Variants in KIAA1549L observed in about 807,000 individuals in gnomAD.
KIAA1549L encodes UPF0606 protein KIAA1549L.
Under a neutral mutation model 160.7 loss-of-function variants are expected in KIAA1549L, and 88 were observed. The ratio of observed to expected loss-of-function variants is 0.55; its 90% CI spans 0.46 to 0.65. The LOEUF (loss-of-function observed/expected upper bound fraction) is 0.65. Among genes scored for constraint, KIAA1549L ranks in the 30% least tolerant of loss-of-function variants. The pLI is 0.00. For missense variants in KIAA1549L, 2,258 were observed against 2,437.5 expected, an observed-to-expected ratio of 0.93 and a Z score of 1.55; for synonymous variants, 950 against 976.7, an observed-to-expected ratio of 0.97 and a Z score of 0.51.
chr11:33,657,602 G>A (rs541517009), intron 18 of KIAA1549L, among the ~76,000 whole-genome samples: 126 of 152,136 alleles, frequency 8.3e-4, no homozygotes, highest in African/African-American at 2.8e-3. Flanking sequence ...TTTGAGACCA[G>A]CCTGGACAAT....
intron 1 of KIAA1549L, among the ~76,000 whole-genome samples, chr11:33,420,240 T>TTGTTTGTTTGTTTGTTTGTTTG (rs1476162743): frequency 6.7e-6 from 1 of 149,448 alleles, no homozygotes; most frequent in African/African-American, 2.5e-5. Context: ...TTTTTGTTTT[T>TTGTTTGTTTGTTTGTTTGTTTG]TTTTTTTTTT....
Position 33,542,611 on chromosome 11 carries a change from G to C in KIAA1549L, c.1048G>C (p.Glu350Gln). Residue 350 changes from glutamate (E) to glutamine (Q), a missense_variant, in exon 2 of 21, where the codon GAA becomes CAA. Physicochemically the swap from Glu to Gln is conservative, Grantham distance 29. Coordinates refer to ENST00000658780, the MANE Select transcript of KIAA1549L (RefSeq NM_012194.3). ...STPGFLSPMA[E>Q]LSHPSPPPPA... Reference sequence around the variant, plus strand: ...ACCTGGGTTTTTGAGCCCCATGGCAGAACTGTCCCATCCGTCTCCCCCTCC... The same window carrying C: ...ACCTGGGTTTTTGAGCCCCATGGCACAACTGTCCCATCCGTCTCCCCCTCC... The C allele has an allele frequency of 6.2e-7, 1 of 1,613,958 alleles. No individual in the cohort carries two copies. The highest frequency in any genetic ancestry group is 1.3e-5 in the African/African-American group (1 of 75,040).
intron 12 of KIAA1549L, among the ~76,000 whole-genome samples, chr11:33,596,513 C>A (rs34862267): frequency 0.2 from 29,698 of 151,964 alleles, 3,395 homozygotes; most frequent in East Asian, 0.36. Context: ...GAGGCAAATG[C>A]ATCACTTGGG....
At chr11:33,435,776 A>ATGTGTGTGTGTG in intron 1 of KIAA1549L, among the ~76,000 whole-genome samples, 1 of 9,890 alleles carries the variant, frequency 1.0e-4, no homozygotes, top group African/African-American at 8.2e-4. Flanking sequence ...ATATATATAT[A>ATGTGTGTGTGTG]TATATATATA....
At chr11:33,386,353 C>T (rs1850172372) in intron 1 of KIAA1549L, among the ~76,000 whole-genome samples, 1 of 152,168 alleles carries the variant, frequency 6.6e-6, no homozygotes. Flanking sequence ...CAGGGTTTAT[C>T]TTTAGTTTGT....
rs1211148816 is a variant in KIAA1549L, at chr11:33,630,171, A to T, written c.5409+11509A>T. Among the ~76,000 whole-genome samples the T allele has an allele frequency of 7.5e-3, 1,110 of 148,786 alleles. 11 individuals carry two copies. The highest frequency in any genetic ancestry group is 0.024 in the African/African-American group (905 of 38,346). ...TCCAGCTGCATGCTGGGAGGACCAC[A>T]GCTCTCTTCAAAGCTGTCAGACCGG... is the stretch of plus-strand genomic sequence containing the variant. On this transcript the variant is annotated intron_variant, in intron 16 of 20. Transcript: ENST00000658780.
chr11:33,669,722 G>C lies in KIAA1549L; in HGVS notation c.*1568G>C, dbSNP rs796273317. 3 of 152,220 alleles carry C rather than the reference G, an allele frequency of 2.0e-5. No homozygotes were observed. The South Asian group carries it at 6.2e-4, about 31-fold the overall frequency. 9.4% of individuals were successfully genotyped at this position (152,220 alleles called of 1,614,324 possible). ...CTGATTAGAAGGGGAGGTTCAAACT[G>C]TCAATGCACAGACTTTTCAAAGAAG... is the stretch of plus-strand genomic sequence containing the variant. On this transcript the variant is annotated 3_prime_UTR_variant, in exon 21 of 21. Transcript: ENST00000658780.
At chr11:33,429,130 C>T (rs569904037) in intron 1 of KIAA1549L, among the ~76,000 whole-genome samples, 10 of 152,266 alleles carry the variant, frequency 6.6e-5, no homozygotes, top group South Asian at 6.2e-4. Context: ...CACCACTACC[C>T]GCTGCTAATT....
chr11:33,555,872 T>C (rs1246489103), intron 6 of KIAA1549L, among the ~76,000 whole-genome samples: 5 of 152,058 alleles, frequency 3.3e-5, no homozygotes, highest in African/African-American at 7.2e-5. Flanking sequence ...AAAAAGCAAT[T>C]CATAGAATAA....
At chr11:33,634,690 C>G (rs568096493) in intron 16 of KIAA1549L, among the ~76,000 whole-genome samples, 52 of 152,192 alleles carry the variant, frequency 3.4e-4, no homozygotes, top group African/African-American at 1.2e-3. Flanking sequence ...CATTGGAGCA[C>G]CTTCTTTTAT....
intron 1 of KIAA1549L, among the ~76,000 whole-genome samples, chr11:33,385,982 T>G (rs1028135472): frequency 6.6e-6 from 1 of 152,254 alleles, no homozygotes; most frequent in Non-Finnish European, 1.5e-5. Flanking sequence ...TAGCTTTTTA[T>G]AGAATCTTTG....
rs1394337053 is a variant in KIAA1549L, at chr11:33,567,122, C to T, written c.4079-954C>T. Among the ~76,000 whole-genome samples, 3 of 152,194 alleles carry T rather than the reference C, an allele frequency of 2.0e-5. No homozygotes were observed. The East Asian group carries it at 5.8e-4, about 29-fold the overall frequency. On this transcript the variant is annotated intron_variant, in intron 8 of 20. Coordinates refer to ENST00000658780, the MANE Select transcript of KIAA1549L (RefSeq NM_012194.3). ...GGTCCTGAAAACCCTCCTCCCTGCACTGGCCATGGCTGAAACCATCATTCA... is the reference window on the plus strand; with the variant it reads ...GGTCCTGAAAACCCTCCTCCCTGCATTGGCCATGGCTGAAACCATCATTCA...
chr11:33,551,161 CT>C lies in KIAA1549L; in HGVS notation c.3624del (p.Ala1209GlnfsTer3), dbSNP rs1347867341. On this transcript the variant is annotated frameshift_variant, in exon 5 of 21. Transcript: ENST00000658780. LOFTEE classifies it high-confidence loss of function. ...MLGVYGVSNV[T>X]ADLKQHTPHL... ...GGTGTGTATGGAGTCAGCAACGTCA[CT>C]GCAGACCTGAAGCAACACACCCCAC... 1 of 1,614,000 alleles carries C rather than the reference CT, an allele frequency of 6.2e-7. No individual in the cohort carries two copies. Among genetic ancestry groups the C allele is most frequent in the Admixed American group, 1.7e-5 (1 of 60,034 alleles).
intron 1 of KIAA1549L, among the ~76,000 whole-genome samples, chr11:33,519,759 G>A (rs563742383): frequency 4.8e-4 from 73 of 152,156 alleles, no homozygotes; most frequent in African/African-American, 1.7e-3. Flanking sequence ...CTTCATTTAG[G>A]CAGTTTGTCC....
chr11:33,474,865 C>A (rs1225238760), intron 1 of KIAA1549L, among the ~76,000 whole-genome samples: 1 of 152,158 alleles, frequency 6.6e-6, no homozygotes, highest in Non-Finnish European at 1.5e-5. Context: ...AACACTCCAG[C>A]GTGAGGAATG....
chr11:33,430,033 T>TCCTC lies in KIAA1549L; in HGVS notation c.238+53147_238+53148insCCCT, dbSNP rs1391963850. 1.9e-3 allele frequency among the ~76,000 whole-genome samples: 204 copies of TCCTC among 106,484 alleles called. 1 individual carries two copies. Among genetic ancestry groups the TCCTC allele is most frequent in the Non-Finnish European group, 2.7e-3 (141 of 51,826 alleles). 69.9% of individuals were successfully genotyped at this position (106,484 alleles called of 152,430 possible). A position where few individuals can be genotyped will look rare whatever the true frequency, so the allele number is the denominator to read the frequency against. On this transcript the variant is annotated intron_variant, in intron 1 of 20. Coordinates refer to ENST00000658780, the MANE Select transcript of KIAA1549L (RefSeq NM_012194.3). ...TCCCTTCCTTCCTTCCTTCCTTCCT[T>TCCTC]CCTTCCTTCCTTCCTCCCTTCCCTC... is the stretch of plus-strand genomic sequence containing the variant.
intron 9 of KIAA1549L, among the ~76,000 whole-genome samples, chr11:33,570,815 G>A (rs760575122): frequency 1.7e-4 from 26 of 152,140 alleles, no homozygotes; most frequent in Admixed American, 3.3e-4. Context: ...ATCGAAGTAA[G>A]GCAAGTTTTA....
intron 1 of KIAA1549L, among the ~76,000 whole-genome samples, chr11:33,519,992 A>T (rs1430697118): frequency 6.6e-6 from 1 of 151,952 alleles, no homozygotes; most frequent in Admixed American, 6.6e-5. Flanking sequence ...GACATACAAA[A>T]AGTTGCAGAT....
intron 1 of KIAA1549L, among the ~76,000 whole-genome samples, chr11:33,402,889 G>A (rs929485171): frequency 2.2e-4 from 33 of 152,164 alleles, no homozygotes; most frequent in African/African-American, 6.5e-4. Context: ...TGCTGCTAGG[G>A]CCCTGCTCTA....
Sources: gnomAD v4.1 joint callset for allele counts (sites outside exome capture counted in the v4.1 genomes callset) on GRCh38, gnomAD v4.1.1 for gene constraint, MANE v1.5 for transcripts, NCBI Gene and HGNC (gene_info 2026-07-23, HGNC 2026-07-21) for gene names.